KHDRBS2: variants seen among roughly 807,000 people sequenced by gnomAD.
KHDRBS2 encodes the protein KH domain-containing, RNA-binding, signal transduction-associated protein 2.
Under a neutral mutation model 44.3 loss-of-function variants are expected in KHDRBS2, and 26 were observed. That is an observed-to-expected ratio of 0.59 (90% CI 0.43 to 0.81). The LOEUF (loss-of-function observed/expected upper bound fraction) is 0.81. KHDRBS2 is among the 40% of genes least tolerant of loss of function. The probability of loss-of-function intolerance (pLI) is 0.00; values close to 1 mark genes in which losing one functional copy is unlikely to be tolerated. For synonymous variants in KHDRBS2, 194 were observed against 151.1 expected (o/e 1.28, Z -2.08); for missense variants, 476 against 433.1 (o/e 1.10, Z -0.88).
At chr6:62,065,054 A>T (rs1202316716) in intron 2 of KHDRBS2, among the ~76,000 whole-genome samples, 1 of 152,258 alleles carries the variant, frequency 6.6e-6, no homozygotes, top group Non-Finnish European at 1.5e-5. Context: ...ACTAGCCATC[A>T]GAGAAACGCA....
chr6:61,819,869 C>T (rs1460780399), intron 6 of KHDRBS2, among the ~76,000 whole-genome samples: 4 of 152,004 alleles, frequency 2.6e-5, no homozygotes, highest in Non-Finnish European at 5.9e-5. Flanking sequence ...GAGCTGGGAA[C>T]AAGCAGTCTG....
At chr6:61,963,267 G>A (rs1769166325) in intron 4 of KHDRBS2, among the ~76,000 whole-genome samples, 1 of 152,030 alleles carries the variant, frequency 6.6e-6, no homozygotes, top group Non-Finnish European at 1.5e-5. Flanking sequence ...ATGAAAACAT[G>A]AGCAATTACA....
chr6:62,059,044 A>G (rs753467263), intron 2 of KHDRBS2, among the ~76,000 whole-genome samples: 8 of 151,660 alleles, frequency 5.3e-5, no homozygotes, highest in Admixed American at 2.0e-4. Context: ...CCTCTTTCAG[A>G]AAACTTAGAA....
chr6:61,771,072 T>C (rs1365280171), intron 6 of KHDRBS2, among the ~76,000 whole-genome samples: 1 of 152,150 alleles, frequency 6.6e-6, no homozygotes, highest in Non-Finnish European at 1.5e-5. Context: ...CAGATTTTCA[T>C]ATCCAGCCAA....
chr6:61,932,656 C>A (rs535165425), intron 4 of KHDRBS2, among the ~76,000 whole-genome samples: 1 of 151,998 alleles, frequency 6.6e-6, no homozygotes, highest in African/African-American at 2.4e-5. Context: ...AAAAATTAGC[C>A]GGGCGTGGTG....
At chr6:62,130,823 TATCTC>T (rs1201773815) in intron 2 of KHDRBS2, among the ~76,000 whole-genome samples, 2 of 152,004 alleles carry the variant, frequency 1.3e-5, no homozygotes, top group African/African-American at 4.8e-5. Flanking sequence ...TAGTGTCAAA[TATCTC>T]ATGCAATGTA....
intron 1 of KHDRBS2, among the ~76,000 whole-genome samples, chr6:62,271,508 A>G (rs1290063493): frequency 6.6e-6 from 1 of 152,206 alleles, no homozygotes; most frequent in Non-Finnish European, 1.5e-5. Flanking sequence ...CATATTTTAA[A>G]AATTACTTGT....
At chr6:61,818,305 CAG>C (rs1328992169) in intron 6 of KHDRBS2, among the ~76,000 whole-genome samples, 2 of 141,196 alleles carry the variant, frequency 1.4e-5, no homozygotes, top group Admixed American at 1.4e-4. Context: ...AATGCAGAGA[CAG>C]GGGAAGAGAA....
chr6:62,246,473 C>T (rs1242364288), intron 1 of KHDRBS2, among the ~76,000 whole-genome samples: 1 of 151,972 alleles, frequency 6.6e-6, no homozygotes, highest in African/African-American at 2.4e-5. Context: ...GACAGGGAGG[C>T]TATATAACCC....
At chr6:62,162,245 A>G (rs1230503544) in intron 2 of KHDRBS2, among the ~76,000 whole-genome samples, 4 of 152,058 alleles carry the variant, frequency 2.6e-5, no homozygotes, top group African/African-American at 9.7e-5. Context: ...GGACCCCCTG[A>G]AGCATTTCTT....
chr6:62,276,575 C>T (rs1200003752), intron 1 of KHDRBS2, among the ~76,000 whole-genome samples: 1 of 152,204 alleles, frequency 6.6e-6, no homozygotes, highest in Non-Finnish European at 1.5e-5. Flanking sequence ...GTAAGTCATT[C>T]AGAAAATGTA....
At chr6:61,909,823 GTA>G (rs1805721988) in intron 4 of KHDRBS2, among the ~76,000 whole-genome samples, 1 of 152,216 alleles carries the variant, frequency 6.6e-6, no homozygotes, top group South Asian at 2.1e-4. Flanking sequence ...AATGACAGGT[GTA>G]GACAGGCTAC....
At chr6:62,142,592 T>A (rs1584931149) in intron 2 of KHDRBS2, among the ~76,000 whole-genome samples, 1 of 151,970 alleles carries the variant, frequency 6.6e-6, no homozygotes, top group South Asian at 2.1e-4. Context: ...AACACCACAA[T>A]GAAATAATCA....
rs549455768 is a variant in KHDRBS2 at position 62,097,219 on chromosome 6, T to A, written c.220-49225A>T. ...CGTATTCTGAAGCTGTTGAGTAGAA[T>A]GTTCTGTATAGGTCTGTTAGGTTCA... On this transcript the variant is annotated intron_variant, in intron 2 of 8. Coordinates refer to ENST00000281156, the MANE Select transcript of KHDRBS2 (RefSeq NM_152688.4). Among the ~76,000 whole-genome samples, 19 of 152,044 alleles carry A rather than the reference T, an allele frequency of 1.2e-4. No homozygotes were observed. The South Asian group carries it at 3.7e-3, about 30-fold the overall frequency.
intron 4 of KHDRBS2, among the ~76,000 whole-genome samples, chr6:61,956,042 A>C (rs536538845): frequency 6.6e-6 from 1 of 151,996 alleles, no homozygotes; most frequent in South Asian, 2.1e-4. Context: ...AAAATACAAA[A>C]ATTAGCTGGG....
At chr6:61,771,210 T>C (rs900725536) in intron 6 of KHDRBS2, among the ~76,000 whole-genome samples, 2 of 152,122 alleles carry the variant, frequency 1.3e-5, no homozygotes, top group East Asian at 1.9e-4. Flanking sequence ...AAGGAACAAC[T>C]GGTACCAGCC....
intron 1 of KHDRBS2, among the ~76,000 whole-genome samples, chr6:62,246,985 C>T (rs1013658504): frequency 1.3e-5 from 2 of 151,998 alleles, no homozygotes; most frequent in Non-Finnish European, 2.9e-5. Context: ...ATCAACAATT[C>T]ATTATCAAGA....
At chr6:61,738,313 C>CAA (rs59974054) in intron 6 of KHDRBS2, among the ~76,000 whole-genome samples, 2 of 151,904 alleles carry the variant, frequency 1.3e-5, no homozygotes, top group African/African-American at 4.8e-5. Flanking sequence ...ATATCTCCCA[C>CAA]AAAAAAGAAA....
intron 4 of KHDRBS2, among the ~76,000 whole-genome samples, chr6:61,947,428 C>G (rs562936512): frequency 6.6e-6 from 1 of 152,150 alleles, no homozygotes; most frequent in African/African-American, 2.4e-5. Context: ...ATATTAAAAG[C>G]CCACTAAATA....
Sources: gnomAD v4.1 joint callset for allele counts (sites outside exome capture counted in the v4.1 genomes callset) on GRCh38, gnomAD v4.1.1 for gene constraint, MANE v1.5 for transcripts, NCBI Gene and HGNC (gene_info 2026-07-23, HGNC 2026-07-21) for gene names.